Variants in HHIPL1 observed in about 807,000 individuals in gnomAD.
The protein encoded by HHIPL1 is HHIP like 1, also known as HHIP-like protein 1.
A neutral mutation model predicts 61.8 loss-of-function variants in HHIPL1; 43 were observed. The observed-to-expected ratio is 0.70, with a 90% confidence interval of 0.55 to 0.90. HHIPL1 has a LOEUF of 0.90. Among genes scored for constraint, HHIPL1 ranks in the 40% least tolerant of loss-of-function variants. The pLI, the probability that HHIPL1 is intolerant of heterozygous loss-of-function variation, is 0.00. For synonymous variants in HHIPL1, 482 were observed against 515.8 expected (o/e 0.93, Z 0.89); for missense variants, 1,056 against 1,157.7 (o/e 0.91, Z 1.28).
At chr14:99,662,707 C>T (rs1043597496) in intron 5 of HHIPL1, among the ~76,000 whole-genome samples, 169 bp from the exon 6 acceptor site, 3 of 152,108 alleles carry the variant, frequency 2.0e-5, no homozygotes, top group African/African-American at 4.8e-5. Flanking sequence ...GTGTATGGTC[C>T]TTGCATGGAT....
the HHIPL1 span, among the ~76,000 whole-genome samples, chr14:99,634,634 C>T: frequency 6.6e-6 from 1 of 152,150 alleles, no homozygotes. Flanking sequence ...CGGCATCTCC[C>T]AGAACAGCTG....
rs553902584 is a variant in HHIPL1 at position 99,668,567 on chromosome 14, C to T, written c.1730+264C>T. 8.5e-5 allele frequency among the ~76,000 whole-genome samples: 13 copies of T among 152,234 alleles called. No individual in the cohort carries two copies. The highest frequency in any genetic ancestry group is 2.6e-4 in the African/African-American group (11 of 41,544). On this transcript the variant is annotated intron_variant, in intron 7 of 8. Coordinates refer to ENST00000330710, the MANE Select transcript of HHIPL1 (RefSeq NM_001127258.3). This position sits in a 1 kb window ranked among gnomAD's most constrained non-coding sequence, Gnocchi z 4.7. ...TGGAGAGGTGACTGGGGCCGCGGGC[C>T]GAGGCTTCACTTGGCTTTCTTGCCT...
At chr14:99,653,580 G>A (rs1034240625) in intron 2 of HHIPL1, among the ~76,000 whole-genome samples, 1 of 152,124 alleles carries the variant, frequency 6.6e-6, no homozygotes, top group Admixed American at 6.5e-5. Context: ...CAATCTGCCC[G>A]CCTCGGCCGA....
chr14:99,658,248 C>T (rs908420183), intron 3 of HHIPL1, among the ~76,000 whole-genome samples: 19 of 152,158 alleles, frequency 1.2e-4, no homozygotes, highest in African/African-American at 3.4e-4. Context: ...TTGGACAGAA[C>T]TTAAAAACAT....
intron 1 of HHIPL1, among the ~76,000 whole-genome samples, chr14:99,646,782 AATATAATATAATATGATATGATATG>A (rs1566804657): frequency 1.1e-5 from 1 of 87,140 alleles, no homozygotes; most frequent in African/African-American, 6.8e-5. Context: ...TCAAAAATAT[AATATAATATAATATGATATGATATG>A]ATATGATATG....
chr14:99,669,659 T>A (rs1271024979), intron 7 of HHIPL1, among the ~76,000 whole-genome samples: 2 of 152,226 alleles, frequency 1.3e-5, no homozygotes, highest in African/African-American at 2.4e-5. Flanking sequence ...GCTCAGTGGC[T>A]CACACCTGTA....
intron 5 of HHIPL1, among the ~76,000 whole-genome samples, chr14:99,662,487 C>G (rs1416493835): frequency 6.6e-6 from 1 of 152,196 alleles, no homozygotes; most frequent in East Asian, 1.9e-4. Context: ...CCAAGCCGGT[C>G]TTGTTCGTTC....
At chr14:99,645,679 G>C (rs955869045) in intron 1 of HHIPL1, among the ~76,000 whole-genome samples, 2 of 152,200 alleles carry the variant, frequency 1.3e-5, no homozygotes, top group African/African-American at 4.8e-5. Context: ...GGGCCTTCTC[G>C]GGGCCTCAGT....
chr14:99,618,871 AG>A, the HHIPL1 span, among the ~76,000 whole-genome samples: 4 of 152,130 alleles, frequency 2.6e-5, no homozygotes, highest in Non-Finnish European at 5.9e-5. Context: ...TGCACCTTGG[AG>A]CTAACTCCTC....
chr14:99,653,791 C>G (rs2055980307), intron 2 of HHIPL1, among the ~76,000 whole-genome samples: 1 of 152,312 alleles, frequency 6.6e-6, no homozygotes, highest in East Asian at 1.9e-4. Context: ...TGACCTTGCA[C>G]GTGGGGCACA....
At chr14:99,641,322 T>A (rs1361403100), upstream of HHIPL1, among the ~76,000 whole-genome samples, 1 of 152,186 alleles carries the variant, frequency 6.6e-6, no homozygotes, top group African/African-American at 2.4e-5. Context: ...GATCTAGACT[T>A]CTAGGTTGAT....
At chr14:99,648,876 G>A (rs2055882157) in intron 1 of HHIPL1, among the ~76,000 whole-genome samples, 1 of 152,174 alleles carries the variant, frequency 6.6e-6, no homozygotes, top group Non-Finnish European at 1.5e-5. Context: ...AAACCTTCAG[G>A]ACCCAGGGCC....
At chr14:99,620,472 G>A in the HHIPL1 span, among the ~76,000 whole-genome samples, 1 of 152,220 alleles carries the variant, frequency 6.6e-6, no homozygotes, top group East Asian at 1.9e-4. Flanking sequence ...TCCAGGTCAG[G>A]GTCCCTGGCT....
At chr14:99,667,965 C>G (rs550906306) in intron 6 of HHIPL1, among the ~76,000 whole-genome samples, 1 of 152,296 alleles carries the variant, frequency 6.6e-6, no homozygotes, top group Middle Eastern at 3.4e-3. Flanking sequence ...AGATCTGAGC[C>G]TGGGTGGGTC....
chr14:99,644,904 G>A (rs985861749), upstream of HHIPL1, among the ~76,000 whole-genome samples: 2 of 152,208 alleles, frequency 1.3e-5, no homozygotes, highest in African/African-American at 4.8e-5. Context: ...AGCGCCCTGT[G>A]GGGAGGAAGC....
the HHIPL1 span, among the ~76,000 whole-genome samples, chr14:99,637,095 GGAAGGAAA>G: frequency 1.6e-5 from 1 of 61,892 alleles, no homozygotes; most frequent in African/African-American, 4.7e-5. Flanking sequence ...AAAGAAAGAA[GGAAGGAAA>G]AAAGAAAGAA....
chr14:99,657,093 T>C lies in HHIPL1; in HGVS notation c.996T>C (p.Asp332=), dbSNP rs370762467. ...GGTACCTCTACATCTTCACTGGAGA[T>C]GGCGGGATGGCCGGAGACCCCTTTG... ...DDGYLYIFTG[D]GGMAGDPFGT... is the part of the protein sequence containing the mutation. The change falls in exon 3 of 9, where the codon GAT becomes GAC. Residue 332 remains aspartate (D), a synonymous_variant. Coordinates refer to ENST00000330710, the MANE Select transcript of HHIPL1 (RefSeq NM_001127258.3). 301 of 1,613,464 alleles carry C rather than the reference T, an allele frequency of 1.9e-4. 1 individual carries two copies. In the South Asian group the frequency reaches 1.9e-3, roughly 10 times the overall value.
rs781606589 is a variant in HHIPL1, at chr14:99,652,607, G to A, written c.639G>A (p.Glu213=). 2.5e-6 allele frequency: 4 copies of A among 1,613,386 alleles called. No individual in the cohort carries two copies. The highest frequency in any genetic ancestry group is 3.4e-6 in the Non-Finnish European group (4 of 1,179,820). The change falls in exon 2 of 9, where the codon GAG becomes GAA. Residue 213 remains glutamate (E), a synonymous_variant. Transcript: ENST00000330710. ...GCACCCACCGCTTCTTCGTGGCCGAGCAGGTGGGGCTGGTGTGGGCCTACC... is the reference window on the plus strand; with the variant it reads ...GCACCCACCGCTTCTTCGTGGCCGAACAGGTGGGGCTGGTGTGGGCCTACC... ...RDGTHRFFVA[E]QVGLVWAYLP...
chr14:99,641,893 C>T (rs2055756832), upstream of HHIPL1, among the ~76,000 whole-genome samples: 2 of 151,110 alleles, frequency 1.3e-5, no homozygotes, highest in South Asian at 4.2e-4. Flanking sequence ...CTCTTAGATT[C>T]TTGGATCTGT....
Sources: allele counts gnomAD v4.1 joint callset (sites outside exome capture counted in the v4.1 genomes callset), GRCh38; gene constraint gnomAD v4.1.1; non-coding constraint Gnocchi (gnomAD v3.1); transcripts MANE v1.5; gene names NCBI Gene and HGNC (gene_info 2026-07-23, HGNC 2026-07-21).